Variants in PCSK6 observed in about 807,000 individuals in gnomAD.
PCSK6 encodes paired basic amino acid cleaving enzyme 4.
Under a neutral mutation model 123.3 loss-of-function variants are expected in PCSK6, and 85 were observed. That is an observed-to-expected ratio of 0.69 (90% confidence interval 0.58 to 0.83). The LOEUF (loss-of-function observed/expected upper bound fraction) is 0.83. Ranked by LOEUF, PCSK6 falls within the 40% of genes least tolerant of loss-of-function variation. The pLI is 0.00. For synonymous variants in PCSK6, 508 were observed against 516.0 expected, an observed-to-expected ratio of 0.98 and a Z score of 0.21; for missense variants, 1,191 against 1,282.3, an observed-to-expected ratio of 0.93 and a Z score of 1.09.
At chr15:101,348,716 A>G (rs1196047426) in intron 13 of PCSK6, among the ~76,000 whole-genome samples, 1 of 152,166 alleles carries the variant, frequency 6.6e-6, no homozygotes, top group African/African-American at 2.4e-5. Flanking sequence ...GTTGAAGTAG[A>G]CACTATTATT....
At chr15:101,370,066 G>A (rs919555457) in intron 12 of PCSK6, among the ~76,000 whole-genome samples, 3 of 151,744 alleles carry the variant, frequency 2.0e-5, no homozygotes, top group African/African-American at 7.3e-5. Context: ...AACAAAAAAC[G>A]AAACAACAAC....
At chr15:101,356,413 A>T (rs1177108089) in intron 13 of PCSK6, among the ~76,000 whole-genome samples, 1 of 150,364 alleles carries the variant, frequency 6.7e-6, no homozygotes, top group Non-Finnish European at 1.5e-5. Context: ...TAATTGCAGC[A>T]CTTTCGGAGG....
chr15:101,322,143 C>T (rs553667047), intron 18 of PCSK6, among the ~76,000 whole-genome samples: 146 of 152,176 alleles, frequency 9.6e-4, no homozygotes, highest in Non-Finnish European at 1.6e-3. Flanking sequence ...AAGAGAAGAC[C>T]GAGGGATGCA....
chr15:101,348,755 T>C (rs1011561146), intron 13 of PCSK6, among the ~76,000 whole-genome samples: 6 of 152,138 alleles, frequency 3.9e-5, no homozygotes, highest in Non-Finnish European at 1.5e-5. Context: ...AAACAGAGAC[T>C]GAGAGATTCC....
intron 1 of PCSK6, among the ~76,000 whole-genome samples, chr15:101,481,636 G>T (rs368861242): frequency 1.3e-5 from 2 of 152,166 alleles, no homozygotes; most frequent in East Asian, 3.9e-4. Context: ...GAGCCATTCA[G>T]GAGACAGTGA....
At chr15:101,370,869 G>A (rs1386195663) in intron 11 of PCSK6, among the ~76,000 whole-genome samples, 1 of 152,218 alleles carries the variant, frequency 6.6e-6, no homozygotes, top group Admixed American at 6.5e-5. Flanking sequence ...AGGCTGCTGG[G>A]CAGTGCTGTG....
chr15:101,486,948 C>T (rs940404250), intron 1 of PCSK6, among the ~76,000 whole-genome samples: 68 of 152,344 alleles, frequency 4.5e-4, no homozygotes, highest in African/African-American at 1.6e-3. Flanking sequence ...ATATGCGTAC[C>T]ATGTGAACAC....
intron 9 of PCSK6, among the ~76,000 whole-genome samples, chr15:101,384,735 A>G (rs8032885): frequency 0.11 from 16,495 of 152,270 alleles, 1,501 homozygotes; most frequent in African/African-American, 0.25. Context: ...AATACAAGAC[A>G]CTTAACATAA....
chr15:101,404,579 G>A (rs934955972), intron 6 of PCSK6, among the ~76,000 whole-genome samples: 1 of 152,232 alleles, frequency 6.6e-6, no homozygotes, highest in Non-Finnish European at 1.5e-5. Flanking sequence ...GGTAGGGGAA[G>A]AGAGTGGGGT....
intron 17 of PCSK6, among the ~76,000 whole-genome samples, chr15:101,324,179 C>T (rs2040195469): frequency 1.3e-5 from 2 of 152,220 alleles, no homozygotes; most frequent in Admixed American, 6.5e-5. Flanking sequence ...ACGAGGAAAA[C>T]ACTGCCTGTC....
chr15:101,310,001 T>C (rs1474953310), intron 20 of PCSK6, among the ~76,000 whole-genome samples: 1 of 152,182 alleles, frequency 6.6e-6, no homozygotes, highest in Non-Finnish European at 1.5e-5. Context: ...ACGCAGCCCG[T>C]CTGGCCACAT....
intron 16 of PCSK6, among the ~76,000 whole-genome samples, chr15:101,325,295 T>C (rs991827915): frequency 1.3e-5 from 2 of 152,318 alleles, no homozygotes; most frequent in East Asian, 3.9e-4. Context: ...GTGCGCATGG[T>C]TTCCCAAGGG....
At chr15:101,430,158 AC>A (rs1412248708) in intron 4 of PCSK6, 95 bp from the exon 5 acceptor site, 2 of 880,430 alleles carry the variant, frequency 2.3e-6, no homozygotes, top group Admixed American at 3.9e-5. Context: ...GAGAAACCAC[AC>A]GCGGGGCTCC....
intron 6 of PCSK6, among the ~76,000 whole-genome samples, chr15:101,414,957 T>C (rs1314975016): frequency 6.6e-6 from 1 of 152,092 alleles, no homozygotes; most frequent in Non-Finnish European, 1.5e-5. Flanking sequence ...AGAAGGATGA[T>C]AAAATAAATT....
chr15:101,328,517 C>G (rs192263062), intron 15 of PCSK6, among the ~76,000 whole-genome samples: 2 of 152,136 alleles, frequency 1.3e-5, no homozygotes, highest in South Asian at 2.1e-4. Flanking sequence ...CATCTCCAGA[C>G]AGAATGTTCT....
chr15:101,348,487 C>T (rs1463153755), intron 13 of PCSK6, among the ~76,000 whole-genome samples: 2 of 152,224 alleles, frequency 1.3e-5, no homozygotes, highest in African/African-American at 4.8e-5. Flanking sequence ...ATAGCAGCAC[C>T]TTCGTGAGAC....
At chr15:101,317,931 C>T (rs2040029614) in intron 19 of PCSK6, among the ~76,000 whole-genome samples, 1 of 152,192 alleles carries the variant, frequency 6.6e-6, no homozygotes, top group Admixed American at 6.5e-5. Flanking sequence ...TTCCTGGGCT[C>T]GAGCTGTCCT....
chr15:101,485,416 T>A (rs759816781), intron 1 of PCSK6, among the ~76,000 whole-genome samples: 1 of 152,264 alleles, frequency 6.6e-6, no homozygotes, highest in Non-Finnish European at 1.5e-5. Context: ...TTTGTTTACA[T>A]AGAATTTTTA....
At chr15:101,442,410 G>A (rs2056778672) in intron 2 of PCSK6, among the ~76,000 whole-genome samples, 1 of 151,958 alleles carries the variant, frequency 6.6e-6, no homozygotes, top group Admixed American at 6.6e-5. Context: ...CAGGTCCATG[G>A]GTGAGCTCCA....
Sources: gnomAD v4.1 joint callset for allele counts (sites outside exome capture counted in the v4.1 genomes callset) on GRCh38, gnomAD v4.1.1 for gene constraint, MANE v1.5 for transcripts, NCBI Gene and HGNC (gene_info 2026-07-23, HGNC 2026-07-21) for gene names.